ERC2: variants seen among roughly 807,000 people sequenced by gnomAD.
The protein encoded by ERC2 is ELKS/RAB6-interacting/CAST family member 2.
Under a neutral mutation model 114.8 loss-of-function variants are expected in ERC2, and 42 were observed. That is an observed-to-expected ratio of 0.37 (90% CI 0.29 to 0.47). The LOEUF is 0.47. Among genes scored for constraint, ERC2 ranks in the 20% least tolerant of loss-of-function variants. The pLI is 0.99. For synonymous variants in ERC2, 454 were observed against 425.5 expected (o/e 1.07, Z -0.82); for missense variants, 939 against 1,150.7 (o/e 0.82, Z 2.66).
chr3:56,370,638 A>G, intron 2 of ERC2, among the ~76,000 whole-genome samples: 1 of 135,268 alleles, frequency 7.4e-6, no homozygotes, highest in Non-Finnish European at 1.5e-5. Context: ...TTTGTCACCC[A>G]GGCTGTAGTG....
At chr3:55,904,969 A>T (rs2064344233) in intron 13 of ERC2, among the ~76,000 whole-genome samples, 1 of 152,236 alleles carries the variant, frequency 6.6e-6, no homozygotes, top group Non-Finnish European at 1.5e-5. Flanking sequence ...GCATGGGAAG[A>T]GCATTTTCTC....
chr3:56,114,810 A>C (rs2079139851), intron 6 of ERC2, among the ~76,000 whole-genome samples: 1 of 152,320 alleles, frequency 6.6e-6, no homozygotes, highest in Admixed American at 6.5e-5. Flanking sequence ...GAGTAAACTA[A>C]CTTTGAGAAG....
intron 2 of ERC2, among the ~76,000 whole-genome samples, chr3:56,356,446 G>A (rs1375454704): frequency 6.6e-6 from 1 of 152,160 alleles, no homozygotes. Flanking sequence ...CTAAGGCCTG[G>A]TTCAAAGTTT....
chr3:56,352,983 A>G (rs76583257), intron 2 of ERC2, among the ~76,000 whole-genome samples: 1 of 152,210 alleles, frequency 6.6e-6, no homozygotes, highest in Non-Finnish European at 1.5e-5. Flanking sequence ...TGTGCATACT[A>G]TCACATTTGC....
chr3:55,770,705 G>C (rs2068131247), intron 14 of ERC2, among the ~76,000 whole-genome samples: 1 of 152,210 alleles, frequency 6.6e-6, no homozygotes, highest in Non-Finnish European at 1.5e-5. Flanking sequence ...GTGCAGGTTT[G>C]TTACATAGGT....
intron 2 of ERC2, among the ~76,000 whole-genome samples, chr3:56,431,820 G>A (rs547362386): frequency 6.6e-6 from 1 of 152,100 alleles, no homozygotes; most frequent in Non-Finnish European, 1.5e-5. Context: ...CATTTTACTT[G>A]TATTAAATAT....
At chr3:55,950,581 T>C (rs751202277) in intron 12 of ERC2, 21 bp from the exon 13 acceptor site, 1 of 1,613,648 alleles carries the variant, frequency 6.2e-7, no homozygotes. Flanking sequence ...TCAGCACAGC[T>C]TGGTTAAATT....
rs546150464 is a variant in ERC2 at position 55,831,168 on chromosome 3, C to T, written c.2564+57221G>A. On this transcript the variant is annotated intron_variant, in intron 14 of 17. Coordinates refer to ENST00000288221, the MANE Select transcript of ERC2 (RefSeq NM_015576.3). ...AAAAAAAAAAAAAAATTTAATTAGC[C>T]AGGCAGGGTGGCACAATGCTGGAGT... 1.7e-4 allele frequency among the ~76,000 whole-genome samples: 26 copies of T among 149,234 alleles called. No individual in the cohort carries two copies. In the East Asian group the frequency reaches 4.7e-3, roughly 27 times the overall value.
chr3:56,367,945 T>TAAA (rs56372235), intron 2 of ERC2, among the ~76,000 whole-genome samples: 2 of 118,076 alleles, frequency 1.7e-5, no homozygotes, highest in African/African-American at 3.2e-5. Context: ...CATCTCTCTT[T>TAAA]AAAAAAAAAA....
At chr3:55,593,623 C>T (rs912708772) in intron 17 of ERC2, among the ~76,000 whole-genome samples, 1 of 152,186 alleles carries the variant, frequency 6.6e-6, no homozygotes, top group African/African-American at 2.4e-5. Flanking sequence ...GACACCTTTC[C>T]TCCCCTAGTA....
intron 3 of ERC2, among the ~76,000 whole-genome samples, chr3:56,214,311 G>A (rs1257844172): frequency 1.3e-5 from 2 of 151,552 alleles, no homozygotes; most frequent in Non-Finnish European, 2.9e-5. Context: ...ACCTGATGGA[G>A]CTGAAAACTA....
At chr3:55,914,404 T>A (rs1275226391) in intron 13 of ERC2, among the ~76,000 whole-genome samples, 1 of 152,184 alleles carries the variant, frequency 6.6e-6, no homozygotes, top group East Asian at 1.9e-4. Context: ...GAAACAGAAG[T>A]TCAGAAAACT....
At chr3:55,922,784 C>CA (rs1409950096) in intron 13 of ERC2, among the ~76,000 whole-genome samples, 1 of 151,956 alleles carries the variant, frequency 6.6e-6, no homozygotes, top group Non-Finnish European at 1.5e-5. Flanking sequence ...GGACAGCTCT[C>CA]AAAAAAAGGA....
Position 56,418,926 on chromosome 3 carries a change from T to G in ERC2, c.657+15425A>C, listed in dbSNP as rs939381390. ...GACAGAGAGAGGTCACATCAATGGC[T>G]CTTCCAGAAAGGTAAATAAACTAGG... On this transcript the variant is annotated intron_variant, in intron 2 of 17. Coordinates refer to ENST00000288221, the MANE Select transcript of ERC2 (RefSeq NM_015576.3). Among the ~76,000 whole-genome samples the G allele has an allele frequency of 2.0e-5, 3 of 152,184 alleles. No homozygotes were observed. The East Asian group carries it at 5.8e-4, about 29-fold the overall frequency.
chr3:56,183,969 C>T (rs2083439762), intron 3 of ERC2, among the ~76,000 whole-genome samples: 1 of 151,956 alleles, frequency 6.6e-6, no homozygotes, highest in Non-Finnish European at 1.5e-5. Flanking sequence ...AAACAGTTTC[C>T]ATGGAAATAG....
chr3:56,202,810 G>A (rs1028643941), intron 3 of ERC2, among the ~76,000 whole-genome samples: 4 of 152,116 alleles, frequency 2.6e-5, no homozygotes, highest in African/African-American at 4.8e-5. Context: ...GAGATCTATT[G>A]TACAGCATAG....
chr3:55,948,514 C>T (rs1053072846), intron 13 of ERC2, among the ~76,000 whole-genome samples: 3 of 152,226 alleles, frequency 2.0e-5, no homozygotes, highest in Non-Finnish European at 4.4e-5. Flanking sequence ...GAGGTTTACT[C>T]TCTATTAACC....
chr3:56,051,989 T>G (rs182690257), intron 7 of ERC2, among the ~76,000 whole-genome samples: 3 of 152,318 alleles, frequency 2.0e-5, no homozygotes, highest in Admixed American at 2.0e-4. Flanking sequence ...TATGTTCTCT[T>G]AGGTCCTTGT....
intron 7 of ERC2, among the ~76,000 whole-genome samples, chr3:56,044,607 C>T (rs958562115): frequency 7.9e-5 from 12 of 152,092 alleles, no homozygotes; most frequent in Admixed American, 7.9e-4. Context: ...ACTTAAAGTA[C>T]TCTATCTATG....
Sources: gnomAD v4.1 joint callset for allele counts (sites outside exome capture counted in the v4.1 genomes callset) on GRCh38, gnomAD v4.1.1 for gene constraint, MANE v1.5 for transcripts, NCBI Gene and HGNC (gene_info 2026-07-23, HGNC 2026-07-21) for gene names.